Variants in NUDT19 observed in about 807,000 individuals in gnomAD.
NUDT19 encodes the protein acyl-coenzyme A diphosphatase NUDT19.
In NUDT19, 31 loss-of-function variants were observed where a neutral mutation model predicts 22.2. The ratio of observed to expected loss-of-function variants is 1.40; its 90% CI spans 1.05 to 1.89. The LOEUF (loss-of-function observed/expected upper bound fraction) is 1.89, where lower values mean the gene tolerates loss of function less well. NUDT19 is among the 40% of genes most tolerant of loss of function. NUDT19 has a pLI of 0.00. For missense variants in NUDT19, 752 were observed against 514.2 expected (o/e 1.46, Z -4.47); for synonymous variants, 325 against 230.8 (o/e 1.41, Z -3.70).
At chr19:32,710,664 C>T (rs1329113926) in intron 2 of NUDT19, among the ~76,000 whole-genome samples, 3 of 151,788 alleles carry the variant, frequency 2.0e-5, no homozygotes, top group Non-Finnish European at 1.5e-5. Context: ...GAGGCTGAGG[C>T]GGGTGGATCA....
rs775804927 is a variant in NUDT19, at chr19:32,692,367, C to T, written c.407C>T (p.Ala136Val). 7.6e-6 allele frequency: 12 copies of T among 1,589,268 alleles called. No individual in the cohort carries two copies. Among genetic ancestry groups the T allele is most frequent in the Non-Finnish European group, 1.0e-5 (12 of 1,175,558 alleles). Residue 136 changes from alanine (A) to valine (V), a missense_variant, in exon 1 of 3, where the codon GCG becomes GTG. Coordinates refer to ENST00000397061, the MANE Select transcript of NUDT19 (RefSeq NM_001105570.2). ...ICAVREAFEE[A>V]GVLLLRPRTS... is the part of the protein sequence containing the mutation. Reference sequence around the variant, plus strand: ...GCCGTGCGGGAGGCCTTTGAGGAGGCGGGCGTGCTGCTGCTGCGGCCCAGG... The same window carrying T: ...GCCGTGCGGGAGGCCTTTGAGGAGGTGGGCGTGCTGCTGCTGCGGCCCAGG...
In NUDT19 at chr19:32,692,417, G is replaced by GT; in HGVS notation, c.457_458insT (p.Gly153ValfsTer61). ...GACTTCCCCACCAGGCCCAGCACCCGGGCCTGGCCTCGCCCTGGAGCCACC... is the reference window on the plus strand; with the variant it reads ...GACTTCCCCACCAGGCCCAGCACCCGTGGCCTGGCCTCGCCCTGGAGCCACC... On this transcript the variant is annotated frameshift_variant, in exon 1 of 3. Coordinates refer to ENST00000397061, the MANE Select transcript of NUDT19 (RefSeq NM_001105570.2). LOFTEE classifies it high-confidence loss of function. 6.4e-7 allele frequency: 1 copy of GT among 1,558,714 alleles called. No individual in the cohort carries two copies. The highest frequency in any genetic ancestry group is 1.4e-5 in the African/African-American group (1 of 71,976).
chr19:32,712,902 A>G lies in NUDT19; in HGVS notation c.*945A>G, dbSNP rs1445796431. ...CTGCTGTTTATTGTTCTTGTTATCC[A>G]CTGTATTAGCACCTTCCCTGATGTG... On this transcript the variant is annotated 3_prime_UTR_variant, in exon 3 of 3. Transcript: ENST00000397061. 6.6e-6 allele frequency: 1 copy of G among 152,128 alleles called. No homozygotes were observed. The highest frequency in any genetic ancestry group is 1.5e-5 in the Non-Finnish European group (1 of 68,018). The allele number at this position is 152,128 out of a possible 1,614,324, so 9.4% of individuals were successfully genotyped here.
intron 2 of NUDT19, 23 bp downstream of exon 2, chr19:32,709,415 C>T: frequency 6.3e-7 from 1 of 1,598,430 alleles, no homozygotes. Flanking sequence ...AGCATCGGTG[C>T]TTTTGTTAGT....
At chr19:32,710,893 C>CA (rs35758892) in intron 2 of NUDT19, among the ~76,000 whole-genome samples, 43,436 of 140,700 alleles carry the variant, frequency 0.31, 6,284 homozygotes, top group East Asian at 0.4. Flanking sequence ...AACTCCATCT[C>CA]AAAAAAAAAA....
At chr19:32,698,811 G>T (rs1442660177) in intron 1 of NUDT19, among the ~76,000 whole-genome samples, 1 of 152,168 alleles carries the variant, frequency 6.6e-6, no homozygotes, top group Non-Finnish European at 1.5e-5. Flanking sequence ...ATCAGATTTA[G>T]TGGCCCTTAC....
At chr19:32,693,581 G>T (rs543479563) in intron 1 of NUDT19, among the ~76,000 whole-genome samples, 3 of 151,922 alleles carry the variant, frequency 2.0e-5, no homozygotes, top group African/African-American at 7.3e-5. Flanking sequence ...CCCTGCCCAT[G>T]TCCTGCTGAT....
At chr19:32,695,220 C>A (rs1301010370) in intron 1 of NUDT19, among the ~76,000 whole-genome samples, 1 of 152,176 alleles carries the variant, frequency 6.6e-6, no homozygotes, top group Non-Finnish European at 1.5e-5. Context: ...TGCCCTGTCA[C>A]CCAGGCTGGA....
At chr19:32,702,060 G>A (rs1054508927) in intron 1 of NUDT19, among the ~76,000 whole-genome samples, 10 of 152,136 alleles carry the variant, frequency 6.6e-5, no homozygotes, top group African/African-American at 2.4e-4. Flanking sequence ...GATGAATAAC[G>A]TGCACTGATA....
At position 32,704,551 on chromosome 19, in the gene NUDT19, T is replaced by C. The variant is rs140165823; in HGVS notation, c.715-4634T>C. ...CTGGGATTACAGGCGTGAGCCACCA[T>C]GCCCAGCCTCTTGCAGGTAATATTT... On this transcript the variant is annotated intron_variant, in intron 1 of 2. Transcript: ENST00000397061. Among the ~76,000 whole-genome samples, 129 of 152,220 alleles carry C rather than the reference T, an allele frequency of 8.5e-4. 1 individual carries two copies. The South Asian group carries it at 8.7e-3, about 10-fold the overall frequency.
intron 2 of NUDT19, 134 bp downstream of exon 2, chr19:32,709,526 A>G: frequency 1.5e-6 from 1 of 672,208 alleles, no homozygotes; most frequent in South Asian, 1.8e-5. Flanking sequence ...GCTAAGTAAG[A>G]TCAAAGCCTA....
chr19:32,709,488 T>G lies in NUDT19; in HGVS notation c.922+96T>G. ...CCCAACGTAGAGACAGGAATTACAG[T>G]CTGTGTTTTGTAATCTACAGGGTAT... On this transcript the variant is annotated intron_variant, in intron 2 of 2. Coordinates refer to ENST00000397061, the MANE Select transcript of NUDT19 (RefSeq NM_001105570.2). 3 of 975,302 alleles carry G rather than the reference T, an allele frequency of 3.1e-6. No individual in the cohort carries two copies. The South Asian group carries it at 3.9e-5, about 13-fold the overall frequency. The allele number at this position is 975,302 out of a possible 1,614,324, so 60.4% of individuals were successfully genotyped here.
At position 32,692,537 on chromosome 19, in the gene NUDT19, G is replaced by A. The variant is rs758845427; in HGVS notation, c.577G>A (p.Ala193Thr). 50 of 1,591,168 alleles carry A rather than the reference G, an allele frequency of 3.1e-5. No homozygotes were observed. The highest frequency in any genetic ancestry group is 4.1e-5 in the African/African-American group (3 of 72,972). The change falls in exon 1 of 3, where the codon GCG (alanine) becomes ACG (threonine). Residue 193 changes from alanine (A) to threonine (T), a missense_variant. Coordinates refer to ENST00000397061, the MANE Select transcript of NUDT19 (RefSeq NM_001105570.2). ...AHLDCTPDIW[A>T]LHNWSAWLTP... ...CCTCGACTGCACACCCGACATCTGG[G>A]CGCTGCACAACTGGAGCGCCTGGCT...
At chr19:32,693,622 AT>A (rs751901472) in intron 1 of NUDT19, among the ~76,000 whole-genome samples, 14 of 149,480 alleles carry the variant, frequency 9.4e-5, no homozygotes, top group Non-Finnish European at 1.5e-4. Context: ...TGATTGGTCC[AT>A]TTTTACAGAG....
At chr19:32,696,366 C>G (rs912813495) in intron 1 of NUDT19, among the ~76,000 whole-genome samples, 12 of 147,620 alleles carry the variant, frequency 8.1e-5, no homozygotes, top group African/African-American at 3.1e-4. Flanking sequence ...GTTAGTCTAG[C>G]CTTTTGCTAC....
chr19:32,695,563 C>T (rs1421206304), intron 1 of NUDT19, among the ~76,000 whole-genome samples: 1 of 152,202 alleles, frequency 6.6e-6, no homozygotes, highest in Non-Finnish European at 1.5e-5. Flanking sequence ...GTCTCTTCCT[C>T]TCTTTCCTTC....
At chr19:32,693,860 G>A (rs576570642) in intron 1 of NUDT19, among the ~76,000 whole-genome samples, 10 of 152,124 alleles carry the variant, frequency 6.6e-5, no homozygotes, top group South Asian at 2.1e-4. Context: ...TCTCAATCCC[G>A]CCTCTAAACA....
Position 32,692,037 on chromosome 19 carries a change from G to A in NUDT19, c.77G>A (p.Arg26His), listed in dbSNP as rs1689155858. The change falls in exon 1 of 3, where the codon CGC (arginine) becomes CAC (histidine). Residue 26 changes from arginine (R) to histidine (H), a missense_variant. Transcript: ENST00000397061. ...ATCGTCCTGGCGGCTGGCTGGTCGC[G>A]CCCGGAGACCGCCACCCCGCCGTCG... ...ASIVLAAGWS[R>H]PETATPPSRP... The A allele has an allele frequency of 3.1e-6, 4 of 1,272,272 alleles. No individual in the cohort carries two copies. Among genetic ancestry groups the A allele is most frequent in the African/African-American group, 1.6e-5 (1 of 64,358 alleles). The allele number at this position is 1,272,272 out of a possible 1,614,324, so 78.8% of individuals were successfully genotyped here.
Position 32,713,521 on chromosome 19 carries a change from A to G in NUDT19, c.*1564A>G, listed in dbSNP as rs757806817. On this transcript the variant is annotated 3_prime_UTR_variant, in exon 3 of 3. Coordinates refer to ENST00000397061, the MANE Select transcript of NUDT19 (RefSeq NM_001105570.2). Reference sequence around the variant, plus strand: ...AAAACCATCATTGTTTGTATTCCACACTGTTAATGAATGTAAAGAGGTTAG... The same window carrying G: ...AAAACCATCATTGTTTGTATTCCACGCTGTTAATGAATGTAAAGAGGTTAG... 31 of 152,116 alleles carry G rather than the reference A, an allele frequency of 2.0e-4. No individual in the cohort carries two copies. The highest frequency in any genetic ancestry group is 2.2e-4 in the Non-Finnish European group (15 of 68,026). The allele number at this position is 152,116 out of a possible 1,614,324, so 9.4% of individuals were successfully genotyped here.
Sources: allele counts gnomAD v4.1 joint callset (sites outside exome capture counted in the v4.1 genomes callset), GRCh38; gene constraint gnomAD v4.1.1; transcripts MANE v1.5; gene names NCBI Gene and HGNC (gene_info 2026-07-23, HGNC 2026-07-21).